Variants in NCKAP5 observed in about 807,000 individuals in gnomAD.
NCKAP5 encodes the protein nck-associated protein 5.
In NCKAP5, 92 loss-of-function variants were observed where a neutral mutation model predicts 167.0. That is an observed-to-expected ratio of 0.55 (90% confidence interval 0.47 to 0.66). NCKAP5 has a LOEUF of 0.66. Ranked by LOEUF, NCKAP5 falls within the 30% of genes least tolerant of loss-of-function variation. NCKAP5 has a pLI of 0.00. For synonymous variants in NCKAP5, 891 were observed against 877.4 expected (o/e 1.02, Z -0.27); for missense variants, 2,378 against 2,315.0 (o/e 1.03, Z -0.56).
At chr2:133,200,061 C>CTTTTTTTTTTTT (rs70973417) in intron 5 of NCKAP5, among the ~76,000 whole-genome samples, 25 of 109,366 alleles carry the variant, frequency 2.3e-4, no homozygotes, top group East Asian at 8.5e-4. Flanking sequence ...TTTTTTCTTT[C>CTTTTTTTTTTTT]TTTTTTTTTT....
the NCKAP5 span, among the ~76,000 whole-genome samples, chr2:133,577,504 T>C: frequency 6.6e-6 from 1 of 152,310 alleles, no homozygotes; most frequent in African/African-American, 2.4e-5. Context: ...TTCTTCTTTT[T>C]TTTAATAGGA....
chr2:133,444,541 AG>A (rs11299585), intron 3 of NCKAP5, among the ~76,000 whole-genome samples: 27,900 of 152,174 alleles, frequency 0.18, 2,738 homozygotes, highest in African/African-American at 0.23. Flanking sequence ...ACAAGAGGTT[AG>A]TGAACCCTGC....
chr2:132,875,508 C>G (rs549796966), intron 9 of NCKAP5, among the ~76,000 whole-genome samples: 1 of 152,130 alleles, frequency 6.6e-6, no homozygotes, highest in Non-Finnish European at 1.5e-5. Context: ...CTGGGAGTGC[C>G]GTGAACTCAG....
intron 4 of NCKAP5, among the ~76,000 whole-genome samples, chr2:133,231,537 G>A (rs1312965987): frequency 6.6e-6 from 1 of 152,154 alleles, no homozygotes; most frequent in African/African-American, 2.4e-5. Context: ...ATATAACACA[G>A]ACAGCAAGTT....
chr2:132,796,091 A>C (rs543099026), intron 12 of NCKAP5, among the ~76,000 whole-genome samples: 1 of 152,298 alleles, frequency 6.6e-6, no homozygotes, highest in East Asian at 1.9e-4. Context: ...AGTTATCCAC[A>C]AATGTTCATG....
chr2:133,320,531 A>G (rs939594550), intron 3 of NCKAP5, among the ~76,000 whole-genome samples: 1 of 152,144 alleles, frequency 6.6e-6, no homozygotes, highest in Non-Finnish European at 1.5e-5. Flanking sequence ...GATCGAGACC[A>G]TCCTGGCTAA....
upstream of NCKAP5, among the ~76,000 whole-genome samples, chr2:133,569,176 C>T (rs910797509): frequency 6.6e-6 from 1 of 151,576 alleles, no homozygotes; most frequent in African/African-American, 2.4e-5. Flanking sequence ...ATCCCACTCA[C>T]AACTATCAAA....
intron 5 of NCKAP5, among the ~76,000 whole-genome samples, chr2:133,152,157 A>G (rs2083404846): frequency 6.6e-6 from 1 of 152,208 alleles, no homozygotes. Flanking sequence ...ATAAAGAATT[A>G]CAAAGACTTT....
intron 3 of NCKAP5, among the ~76,000 whole-genome samples, chr2:133,460,498 A>G (rs1322656712): frequency 1.3e-5 from 2 of 152,192 alleles, no homozygotes; most frequent in Non-Finnish European, 2.9e-5. Context: ...TATACTTCAT[A>G]TTGCAACTTT....
chr2:133,614,491 AC>A, the NCKAP5 span, among the ~76,000 whole-genome samples: 1 of 152,136 alleles, frequency 6.6e-6, no homozygotes, highest in Non-Finnish European at 1.5e-5. Flanking sequence ...CTCGAGAACT[AC>A]GTGAAGAATG....
At chr2:133,498,480 A>AAGGAAGGCAGGCAGGCAGGCAGGC (rs1310524686) in intron 3 of NCKAP5, among the ~76,000 whole-genome samples, 2 of 101,752 alleles carry the variant, frequency 2.0e-5, no homozygotes, top group African/African-American at 9.8e-5. Flanking sequence ...GGAAGGAAGG[A>AAGGAAGGCAGGCAGGCAGGCAGGC]AGGCAGGCAG....
intron 3 of NCKAP5, among the ~76,000 whole-genome samples, chr2:133,335,244 A>G (rs907564156): frequency 3.9e-5 from 6 of 152,348 alleles, no homozygotes; most frequent in African/African-American, 1.2e-4. Flanking sequence ...ACTGCGTTAT[A>G]GTCTCTTACC....
intron 8 of NCKAP5, among the ~76,000 whole-genome samples, chr2:132,960,767 G>A (rs930989459): frequency 1.3e-5 from 2 of 152,098 alleles, no homozygotes; most frequent in Admixed American, 6.6e-5. Context: ...AATCAAGAAC[G>A]TAATATAGAA....
chr2:132,825,084 C>T (rs1048833535), intron 11 of NCKAP5, among the ~76,000 whole-genome samples: 3 of 152,182 alleles, frequency 2.0e-5, no homozygotes, highest in African/African-American at 7.2e-5. Flanking sequence ...TGAAAACCAA[C>T]ATAGATCTCA....
At chr2:133,003,172 C>G (rs2077847342) in intron 6 of NCKAP5, among the ~76,000 whole-genome samples, 1 of 152,194 alleles carries the variant, frequency 6.6e-6, no homozygotes. Flanking sequence ...TCTGCCAAGA[C>G]AGCCCACTGC....
chr2:133,588,282 T>C, the NCKAP5 span, among the ~76,000 whole-genome samples: 12,170 of 46,726 alleles, frequency 0.26, 1,068 homozygotes, highest in East Asian at 0.43. Flanking sequence ...TCCCTCCCTC[T>C]CTCCCTACCT....
At chr2:132,693,855 A>G (rs1398646738) in intron 19 of NCKAP5, among the ~76,000 whole-genome samples, 4 of 151,592 alleles carry the variant, frequency 2.6e-5, no homozygotes. Flanking sequence ...CAAACTCCTG[A>G]CCTTGTGATC....
chr2:133,272,844 A>T (rs2089576181), intron 4 of NCKAP5, among the ~76,000 whole-genome samples: 1 of 152,098 alleles, frequency 6.6e-6, no homozygotes, highest in African/African-American at 2.4e-5. Context: ...CCTTAGCATA[A>T]TGTTTTCAAG....
At chr2:133,044,981 T>A (rs188842307) in intron 6 of NCKAP5, among the ~76,000 whole-genome samples, 157 of 150,198 alleles carry the variant, frequency 1.0e-3, no homozygotes, top group African/African-American at 3.8e-3. Context: ...CCTGAGCCCA[T>A]GAGTTCCAGG....
Sources: gnomAD v4.1 joint callset for allele counts (sites outside exome capture counted in the v4.1 genomes callset) on GRCh38, gnomAD v4.1.1 for gene constraint, MANE v1.5 for transcripts, NCBI Gene and HGNC (gene_info 2026-07-23, HGNC 2026-07-21) for gene names.